Variants in SPATA16 observed in about 807,000 individuals in gnomAD.
SPATA16 encodes spermatogenesis-associated protein 16.
A neutral mutation model predicts 63.3 loss-of-function variants in SPATA16; 36 were observed. The observed-to-expected ratio is 0.57, with a 90% CI of 0.44 to 0.75. SPATA16 has a LOEUF of 0.75. Ranked by LOEUF, SPATA16 falls within the 30% of genes least tolerant of loss-of-function variation. SPATA16 has a pLI of 0.00. For missense variants in SPATA16, 646 were observed against 679.3 expected (o/e 0.95, Z 0.54); for synonymous variants, 203 against 216.7 (o/e 0.94, Z 0.56).
chr3:172,961,069 T>TCTTTCTTCCTTC (rs1733765195), intron 5 of SPATA16, among the ~76,000 whole-genome samples: 2 of 72,382 alleles, frequency 2.8e-5, no homozygotes, highest in Admixed American at 1.4e-4. Context: ...CTTTCTTCTT[T>TCTTTCTTCCTTC]CTTCCTTCCT....
At chr3:172,944,544 G>T (rs1733235876) in intron 6 of SPATA16, among the ~76,000 whole-genome samples, 1 of 152,152 alleles carries the variant, frequency 6.6e-6, no homozygotes, top group African/African-American at 2.4e-5. Flanking sequence ...GTATACCCAT[G>T]TTCATAGCAG....
At chr3:173,006,955 G>A (rs965597550) in intron 4 of SPATA16, among the ~76,000 whole-genome samples, 3 of 152,106 alleles carry the variant, frequency 2.0e-5, no homozygotes, top group Admixed American at 2.0e-4. Context: ...GTTCAAAAAT[G>A]AATACTTTAA....
chr3:172,903,008 T>C (rs1001424928), intron 10 of SPATA16, among the ~76,000 whole-genome samples: 1 of 152,218 alleles, frequency 6.6e-6, no homozygotes, highest in Non-Finnish European at 1.5e-5. Context: ...ACAAGTCAAT[T>C]GCTCTGAACT....
chr3:173,112,145 C>T (rs145694941), intron 2 of SPATA16, among the ~76,000 whole-genome samples: 1 of 152,166 alleles, frequency 6.6e-6, no homozygotes, highest in African/African-American at 2.4e-5. Flanking sequence ...ACACTTAAAA[C>T]ATTTTTTTAT....
intron 3 of SPATA16, among the ~76,000 whole-genome samples, chr3:173,024,876 T>C (rs1735417795): frequency 6.6e-6 from 1 of 150,766 alleles, no homozygotes; most frequent in South Asian, 2.1e-4. Context: ...GTTTTCTTTT[T>C]AAAGAAAGCA....
chr3:172,913,604 A>C (rs1040831258), intron 10 of SPATA16, 57 bp downstream of exon 10: 3 of 1,555,710 alleles, frequency 1.9e-6, no homozygotes, highest in Non-Finnish European at 2.7e-6. Flanking sequence ...GATTTGACCC[A>C]AAATGGACAT....
At chr3:173,135,870 G>T (rs1738532541) in intron 1 of SPATA16, among the ~76,000 whole-genome samples, 1 of 152,154 alleles carries the variant, frequency 6.6e-6, no homozygotes, top group Non-Finnish European at 1.5e-5. Context: ...ACACCAATGT[G>T]TTCATTTGAT....
In SPATA16 at chr3:173,061,402, G is replaced by A. The variant is rs537234334; in HGVS notation, c.613-12308C>T. ...TTTTTATCTGCCGTTCTTTCTTGGG[G>A]ATTTGGTTTTCAGAAATTTCACTTG... On this transcript the variant is annotated intron_variant, in intron 2 of 10. Transcript: ENST00000351008. Among the ~76,000 whole-genome samples, 64 of 152,236 alleles carry A rather than the reference G, an allele frequency of 4.2e-4. 1 individual carries two copies. The South Asian group carries it at 9.1e-3, about 22-fold the overall frequency.
intron 8 of SPATA16, among the ~76,000 whole-genome samples, chr3:172,921,018 G>A (rs1166015672): frequency 1.3e-5 from 2 of 150,096 alleles, no homozygotes; most frequent in African/African-American, 2.4e-5. Context: ...ATGAGGCAAA[G>A]TATATTTCCT....
intron 6 of SPATA16, among the ~76,000 whole-genome samples, chr3:172,948,234 A>G (rs1733339273): frequency 1.3e-5 from 2 of 152,202 alleles, no homozygotes; most frequent in Non-Finnish European, 2.9e-5. Flanking sequence ...TAAAAGCAGC[A>G]AGAGAAAAGA....
At chr3:173,036,577 G>A (rs1168420065) in intron 3 of SPATA16, among the ~76,000 whole-genome samples, 1 of 151,836 alleles carries the variant, frequency 6.6e-6, no homozygotes, top group Non-Finnish European at 1.5e-5. Context: ...TGATTGATAT[G>A]GTTTCAGAAT....
At chr3:172,982,236 A>C (rs773946576) in intron 4 of SPATA16, among the ~76,000 whole-genome samples, 2 of 152,220 alleles carry the variant, frequency 1.3e-5, no homozygotes, top group Non-Finnish European at 2.9e-5. Context: ...GAGCTATCTC[A>C]CTGTCCATAT....
chr3:172,924,210 T>C lies in SPATA16; in HGVS notation c.1336A>G (p.Asn446Asp). The C allele has an allele frequency of 1.2e-6, 2 of 1,609,058 alleles. No homozygotes were observed. Among genetic ancestry groups the C allele is most frequent in the South Asian group, 1.1e-5 (1 of 91,006 alleles). ...ILDFIRSTQL[N>D]GSFPASSGVM... ...ATATAAAAGACTCATATACCTACATTCAATTGGGTGCTTCTAATAAAATCC... is the reference window on the plus strand; with the variant it reads ...ATATAAAAGACTCATATACCTACATCCAATTGGGTGCTTCTAATAAAATCC... Residue 446 changes from asparagine (N) to aspartate (D), a missense_variant and splice_region_variant, in exon 8 of 11, where the codon AAT becomes GAT. Physicochemically the swap from Asn to Asp is conservative, Grantham distance 23 (BLOSUM62 1). Transcript: ENST00000351008.
chr3:173,033,540 C>T (rs1426979726), intron 3 of SPATA16, among the ~76,000 whole-genome samples: 2 of 152,116 alleles, frequency 1.3e-5, no homozygotes, highest in Non-Finnish European at 2.9e-5. Flanking sequence ...TAGAAAAGCT[C>T]TCAAGGTTCA....
At chr3:172,930,283 C>T (rs1732839105) in intron 6 of SPATA16, among the ~76,000 whole-genome samples, 1 of 152,216 alleles carries the variant, frequency 6.6e-6, no homozygotes, top group African/African-American at 2.4e-5. Flanking sequence ...ATTCAAGGCT[C>T]TCAGCAGTGT....
At chr3:173,137,876 C>CACACAG (rs1738594066) in intron 1 of SPATA16, among the ~76,000 whole-genome samples, 1 of 148,748 alleles carries the variant, frequency 6.7e-6, no homozygotes, top group South Asian at 2.1e-4. Context: ...CACACACAGA[C>CACACAG]ACACACACGT....
At chr3:173,027,999 CTCCCTCCCTCCCTCCCTTCCTTCT>C (rs1473612042) in intron 3 of SPATA16, among the ~76,000 whole-genome samples, 1 of 68,926 alleles carries the variant, frequency 1.5e-5, no homozygotes, top group African/African-American at 6.5e-5. Context: ...CCCTCCCTCC[CTCCCTCCCTCCCTCCCTTCCTTCT>C]TTCCTTCCTT....
At chr3:173,050,449 C>T (rs1736061366) in intron 2 of SPATA16, among the ~76,000 whole-genome samples, 1 of 152,144 alleles carries the variant, frequency 6.6e-6, no homozygotes, top group East Asian at 1.9e-4. Flanking sequence ...ACTTACTGAG[C>T]ATCTACTATC....
At chr3:172,929,481 A>C (rs1294038534) in intron 6 of SPATA16, among the ~76,000 whole-genome samples, 1 of 152,128 alleles carries the variant, frequency 6.6e-6, no homozygotes, top group Admixed American at 6.5e-5. Context: ...GCAAGTCCTC[A>C]AGCTATTCTG....
Sources: allele counts gnomAD v4.1 joint callset (sites outside exome capture counted in the v4.1 genomes callset), GRCh38; gene constraint gnomAD v4.1.1; transcripts MANE v1.5; gene names NCBI Gene and HGNC (gene_info 2026-07-23, HGNC 2026-07-21).